Variants in HERPUD2 observed in about 807,000 individuals in gnomAD.
HERPUD2 encodes homocysteine-responsive endoplasmic reticulum-resident ubiquitin-like domain member 2 protein.
Under a neutral mutation model 49.9 loss-of-function variants are expected in HERPUD2, and 13 were observed. The observed-to-expected ratio is 0.26, with a 90% CI of 0.17 to 0.41. The LOEUF (loss-of-function observed/expected upper bound fraction) is 0.41. HERPUD2 is among the 10% of genes least tolerant of loss of function. HERPUD2 has a pLI of 1.00. For synonymous variants in HERPUD2, 172 were observed against 171.4 expected (o/e 1.00, Z -0.03); for missense variants, 449 against 492.2 (o/e 0.91, Z 0.83).
chr7:35,687,266 A>C (rs1006763230), intron 2 of HERPUD2, among the ~76,000 whole-genome samples: 4 of 152,200 alleles, frequency 2.6e-5, no homozygotes, highest in Admixed American at 2.6e-4. Context: ...TGTCAATTTA[A>C]AGATTCTAAT....
intron 5 of HERPUD2, among the ~76,000 whole-genome samples, chr7:35,666,342 A>G (rs1785535806): frequency 6.6e-6 from 1 of 152,242 alleles, no homozygotes; most frequent in Admixed American, 6.5e-5. Flanking sequence ...TCTATTTGCT[A>G]TATATTCAGC....
intron 5 of HERPUD2, among the ~76,000 whole-genome samples, chr7:35,639,744 T>C (rs1784937813): frequency 6.6e-6 from 1 of 152,286 alleles, no homozygotes; most frequent in South Asian, 2.1e-4. Flanking sequence ...TTGGTAATAA[T>C]TGATTATAGA....
chr7:35,637,756 A>G (rs1299950664), intron 6 of HERPUD2, among the ~76,000 whole-genome samples: 1 of 152,270 alleles, frequency 6.6e-6, no homozygotes, highest in Admixed American at 6.5e-5. Context: ...TGTTAATAAA[A>G]TGAGCTATTA....
Position 35,632,661 on chromosome 7 carries a change from T to C in HERPUD2, c.*1029A>G, listed in dbSNP as rs1268432982. 4 of 152,528 alleles carry C rather than the reference T, an allele frequency of 2.6e-5. No homozygotes were observed. Among genetic ancestry groups the C allele is most frequent in the African/African-American group, 4.8e-5 (2 of 41,448 alleles). 9.4% of individuals were successfully genotyped at this position (152,528 alleles called of 1,614,324 possible). ...TGAACAAATATCCCATAAAACTGTT[T>C]ACCATAATTGACTTTTTATTTAAAA... On this transcript the variant is annotated 3_prime_UTR_variant, in exon 9 of 9. Transcript: ENST00000311350.
rs1786271636 is a variant in HERPUD2, at chr7:35,694,474, G to A, written c.-144C>T. On this transcript the variant is annotated 5_prime_UTR_variant, in exon 2 of 9. Coordinates refer to ENST00000311350, the MANE Select transcript of HERPUD2 (RefSeq NM_022373.5). ...CAAGTCAGTTACAAGTGCACTGGAG[G>A]ATACGAAGCCCATTGCCGGTACCAA... 5 of 798,452 alleles carry A rather than the reference G, an allele frequency of 6.3e-6. No individual in the cohort carries two copies. Among genetic ancestry groups the A allele is most frequent in the Non-Finnish European group, 8.0e-6 (4 of 498,260 alleles). 49.5% of individuals were successfully genotyped at this position (798,452 alleles called of 1,614,324 possible). A position where few individuals can be genotyped will look rare whatever the true frequency, so the allele number is the denominator to read the frequency against.
chr7:35,634,813 G>A (rs923588298), intron 7 of HERPUD2, among the ~76,000 whole-genome samples: 6 of 152,240 alleles, frequency 3.9e-5, no homozygotes, highest in African/African-American at 1.4e-4. Context: ...ACTTACTATT[G>A]GTAATTCTAA....
chr7:35,690,887 T>G, intron 2 of HERPUD2, among the ~76,000 whole-genome samples: 1 of 152,200 alleles, frequency 6.6e-6, no homozygotes, highest in Non-Finnish European at 1.5e-5. Flanking sequence ...AATCAACTCT[T>G]TAAGAAAACT....
In HERPUD2 at chr7:35,652,739, G is replaced by A. The variant is rs1425604290; in HGVS notation, c.495-14267C>T. Among the ~76,000 whole-genome samples the A allele has an allele frequency of 3.3e-5, 5 of 151,362 alleles. No individual in the cohort carries two copies. In the East Asian group the frequency reaches 9.7e-4, roughly 29 times the overall value. On this transcript the variant is annotated intron_variant, in intron 5 of 8. Transcript: ENST00000311350. Reference sequence around the variant, plus strand: ...GAAGGGAGAGAAGGAAGGAAAGGAAGGAACGTTTCTGCCAAGGATACTATA... The same window carrying A: ...GAAGGGAGAGAAGGAAGGAAAGGAAAGAACGTTTCTGCCAAGGATACTATA...
intron 6 of HERPUD2, among the ~76,000 whole-genome samples, chr7:35,637,225 G>A (rs1019716481): frequency 5.9e-5 from 9 of 151,952 alleles, no homozygotes; most frequent in Non-Finnish European, 1.2e-4. Context: ...TAACCCAGCA[G>A]CAGTATAAGG....
chr7:35,645,398 T>C (rs925633434), intron 5 of HERPUD2, among the ~76,000 whole-genome samples: 4 of 152,096 alleles, frequency 2.6e-5, no homozygotes, highest in Non-Finnish European at 5.9e-5. Context: ...CTGGGCGATA[T>C]AGTGAGATCC....
chr7:35,665,947 T>C (rs1785529293), intron 5 of HERPUD2, among the ~76,000 whole-genome samples: 1 of 152,236 alleles, frequency 6.6e-6, no homozygotes, highest in Admixed American at 6.5e-5. Flanking sequence ...GAAAGAGTTA[T>C]AAATTTTATC....
rs1784819759 is a variant in HERPUD2, at chr7:35,633,549, T to C, written c.*141A>G. On this transcript the variant is annotated 3_prime_UTR_variant, in exon 9 of 9. Coordinates refer to ENST00000311350, the MANE Select transcript of HERPUD2 (RefSeq NM_022373.5). Reference sequence around the variant, plus strand: ...AGTCCATTCGTGCTTAAAATATTCATATGCATGAGAAGCCTAAAGAAAAAA... The same window carrying C: ...AGTCCATTCGTGCTTAAAATATTCACATGCATGAGAAGCCTAAAGAAAAAA... 4 of 544,702 alleles carry C rather than the reference T, an allele frequency of 7.3e-6. No homozygotes were observed. The highest frequency in any genetic ancestry group is 3.4e-5 in the South Asian group (1 of 29,382). 33.7% of individuals were successfully genotyped at this position (544,702 alleles called of 1,614,324 possible).
At chr7:35,653,021 G>T (rs1785199660) in intron 5 of HERPUD2, among the ~76,000 whole-genome samples, 2 of 148,366 alleles carry the variant, frequency 1.3e-5, no homozygotes, top group Admixed American at 1.3e-4. Context: ...AAGAAAGGAA[G>T]AAATGCTATA....
chr7:35,686,909 T>A (rs1156708820), intron 2 of HERPUD2, among the ~76,000 whole-genome samples: 27 of 122,050 alleles, frequency 2.2e-4, no homozygotes, highest in Non-Finnish European at 6.5e-5. Flanking sequence ...CTACTGAAAA[T>A]ACAGAAAAAT....
At chr7:35,691,035 C>T (rs7793627) in intron 2 of HERPUD2, among the ~76,000 whole-genome samples, 28,810 of 152,094 alleles carry the variant, frequency 0.19, 3,224 homozygotes, top group African/African-American at 0.31. Context: ...CATACTATTA[C>T]GCTTATTTAC....
At chr7:35,637,138 A>AAAGAAAGAAAG (rs1784882629) in intron 6 of HERPUD2, among the ~76,000 whole-genome samples, 3 of 135,692 alleles carry the variant, frequency 2.2e-5, no homozygotes, top group African/African-American at 8.1e-5. Flanking sequence ...GTCTCAAAAA[A>AAAGAAAGAAAG]AAAGAAAGAA....
At chr7:35,682,308 GAT>G (rs1295338695) in intron 2 of HERPUD2, among the ~76,000 whole-genome samples, 1 of 33,008 alleles carries the variant, frequency 3.0e-5, no homozygotes, top group Non-Finnish European at 5.9e-5. Flanking sequence ...TGTATATATA[GAT>G]ATATACACAT....
intron 5 of HERPUD2, among the ~76,000 whole-genome samples, chr7:35,660,885 A>C (rs1266469627): frequency 6.6e-6 from 1 of 152,212 alleles, no homozygotes; most frequent in African/African-American, 2.4e-5. Flanking sequence ...TAGTTTAATT[A>C]GATCCCATTG....
intron 5 of HERPUD2, among the ~76,000 whole-genome samples, chr7:35,650,940 C>T (rs865841787): frequency 6.6e-6 from 1 of 152,188 alleles, no homozygotes; most frequent in Non-Finnish European, 1.5e-5. Flanking sequence ...CCTCCAGTGG[C>T]TGAGCATGCC....
Sources: gnomAD v4.1 joint callset for allele counts (sites outside exome capture counted in the v4.1 genomes callset) on GRCh38, gnomAD v4.1.1 for gene constraint, MANE v1.5 for transcripts, NCBI Gene and HGNC (gene_info 2026-07-23, HGNC 2026-07-21) for gene names.